TOMM20: variants seen among roughly 807,000 people sequenced by gnomAD.
The protein encoded by TOMM20 is mitochondrial import receptor subunit TOM20 homolog.
A neutral mutation model predicts 22.1 loss-of-function variants in TOMM20; 10 were observed. The observed-to-expected ratio is 0.45, with a 90% CI of 0.28 to 0.77. TOMM20 has a LOEUF of 0.77. TOMM20 is among the 30% of genes least tolerant of loss of function. The pLI is 0.13. For synonymous variants in TOMM20, 55 were observed against 61.4 expected (o/e 0.90, Z 0.49); for missense variants, 121 against 172.2 (o/e 0.70, Z 1.66).
At chr1:235,119,997 C>CA (rs1282130636) in intron 2 of TOMM20, 98 bp from the exon 3 acceptor site, 1 of 680,018 alleles carries the variant, frequency 1.5e-6, no homozygotes, top group African/African-American at 1.8e-5. Flanking sequence ...AAAACCAAAT[C>CA]ACTCATTCTA....
intron 2 of TOMM20, among the ~76,000 whole-genome samples, chr1:235,120,258 AC>A (rs989884938): frequency 2.0e-5 from 3 of 152,102 alleles, no homozygotes; most frequent in African/African-American, 7.2e-5. Context: ...ATTATTTTAT[AC>A]AGATTTTGTT....
intron 1 of TOMM20, among the ~76,000 whole-genome samples, chr1:235,123,944 T>C (rs1660972601): frequency 6.6e-6 from 1 of 152,180 alleles, no homozygotes; most frequent in Admixed American, 6.5e-5. Flanking sequence ...CTTCAAAGGA[T>C]CTGGACATGA....
intron 1 of TOMM20, among the ~76,000 whole-genome samples, chr1:235,123,061 G>C (rs1169830448): frequency 1.3e-5 from 2 of 152,142 alleles, no homozygotes; most frequent in African/African-American, 4.8e-5. Context: ...GGTGATCTTA[G>C]GCAAATCTCT....
rs757743564 is a variant in TOMM20, at chr1:235,119,872, C to A, written c.196G>T (p.Val66Phe). Residue 66 changes from valine to phenylalanine, a missense_variant, in exon 3 of 5, where the codon GTT becomes TTT. Transcript: ENST00000366607. ...ATTTCTTCAAGGAAGAACTTCTGAA[C>A]AGCTTCAGCATCTTTAAGGTCAGGT... is the stretch of plus-strand genomic sequence containing the variant. ...KLPDLKDAEA[V>F]QKFFLEEIQL... 6.2e-7 allele frequency: 1 copy of A among 1,611,952 alleles called. No individual in the cohort carries two copies. The highest frequency in any genetic ancestry group is 8.5e-7 in the Non-Finnish European group (1 of 1,178,672).
At chr1:235,124,457 G>T (rs905055950) in intron 1 of TOMM20, among the ~76,000 whole-genome samples, 3 of 152,204 alleles carry the variant, frequency 2.0e-5, no homozygotes, top group Non-Finnish European at 2.9e-5. Context: ...TCAAACCCAG[G>T]CTTTTGGACT....
chr1:235,123,528 A>G (rs927443160), intron 1 of TOMM20, among the ~76,000 whole-genome samples: 2 of 152,128 alleles, frequency 1.3e-5, no homozygotes, highest in Admixed American at 6.6e-5. Context: ...TTCATTTACT[A>G]TGGTCAAGGT....
chr1:235,125,346 G>A (rs959287948), intron 1 of TOMM20, among the ~76,000 whole-genome samples: 1 of 152,034 alleles, frequency 6.6e-6, no homozygotes, highest in South Asian at 2.1e-4. Flanking sequence ...TCCCCAGTAG[G>A]TGGGACTACA....
chr1:235,120,618 C>T (rs1216623100), intron 2 of TOMM20, among the ~76,000 whole-genome samples: 2 of 151,764 alleles, frequency 1.3e-5, no homozygotes. Flanking sequence ...CTCACTCTGT[C>T]GCCCAGGCTG....
chr1:235,115,581 C>T (rs1385102750), intron 3 of TOMM20, among the ~76,000 whole-genome samples: 2 of 151,986 alleles, frequency 1.3e-5, no homozygotes, highest in African/African-American at 2.4e-5. Context: ...GAGCCAAGAT[C>T]GCACCACTGC....
Position 235,128,797 on chromosome 1 carries a change from G to T in TOMM20, c.-82C>A. 1 of 1,591,364 alleles carries T rather than the reference G, an allele frequency of 6.3e-7. No individual in the cohort carries two copies. Among genetic ancestry groups the T allele is most frequent in the Non-Finnish European group, 8.5e-7 (1 of 1,169,794 alleles). ...GCCACGAACCCTCAGAGCGGTCGGC[G>T]CAGCTCACACCCGACGGCCGCGGGC... On this transcript the variant is annotated 5_prime_UTR_variant, in exon 1 of 5. Coordinates refer to ENST00000366607, the MANE Select transcript of TOMM20 (RefSeq NM_014765.3).
chr1:235,112,655 T>C (rs1212474606), intron 4 of TOMM20, among the ~76,000 whole-genome samples: 4 of 152,160 alleles, frequency 2.6e-5, no homozygotes, highest in Admixed American at 2.6e-4. Context: ...GTCAATTATG[T>C]AACTAAAACC....
At position 235,128,590 on chromosome 1, in the gene TOMM20, C is replaced by T. The variant is rs776201246; in HGVS notation, c.121+5G>A. On this transcript the variant is annotated splice_donor_5th_base_variant and intron_variant, in intron 1 of 4. Coordinates refer to ENST00000366607, the MANE Select transcript of TOMM20 (RefSeq NM_014765.3). ...GCCTGGCCAGGGGAGAGAGGACCCA[C>T]TCACGTTCTCGAAGCCTGTTCTTGA... 1 of 1,612,210 alleles carries T rather than the reference C, an allele frequency of 6.2e-7. No individual in the cohort carries two copies. Among genetic ancestry groups the T allele is most frequent in the South Asian group, 1.1e-5 (1 of 91,008 alleles).
intron 2 of TOMM20, among the ~76,000 whole-genome samples, chr1:235,121,667 C>T (rs1227684436): frequency 1.3e-5 from 2 of 152,106 alleles, no homozygotes; most frequent in African/African-American, 4.8e-5. Flanking sequence ...TCCTAAGAAC[C>T]CAAACAATAG....
intron 3 of TOMM20, among the ~76,000 whole-genome samples, chr1:235,115,457 C>A (rs1243909709): frequency 6.6e-6 from 1 of 151,760 alleles, no homozygotes; most frequent in Admixed American, 6.6e-5. Context: ...TGAAACCCTA[C>A]TGCTACTAAA....
chr1:235,128,205 G>A (rs1404411180), intron 1 of TOMM20, among the ~76,000 whole-genome samples: 1 of 152,188 alleles, frequency 6.6e-6, no homozygotes, highest in Non-Finnish European at 1.5e-5. Context: ...ATACTGCACT[G>A]AGCATGCGGA....
At chr1:235,120,324 G>A (rs750609061) in intron 2 of TOMM20, among the ~76,000 whole-genome samples, 4 of 152,100 alleles carry the variant, frequency 2.6e-5, no homozygotes, top group African/African-American at 7.2e-5. Flanking sequence ...CCAGGCTGGA[G>A]TGCAGTGGCA....
intron 1 of TOMM20, among the ~76,000 whole-genome samples, chr1:235,127,564 G>A (rs1661044863): frequency 1.3e-5 from 2 of 152,180 alleles, no homozygotes; most frequent in Non-Finnish European, 2.9e-5. Flanking sequence ...GAATTAAACC[G>A]TAACCACTGT....
At chr1:235,122,248 TTA>T in intron 2 of TOMM20, 76 bp downstream of exon 2, 1 of 1,287,292 alleles carries the variant, frequency 7.8e-7, no homozygotes, top group Non-Finnish European at 1.0e-6. Flanking sequence ...CAATTACATT[TTA>T]ATTACATTTC....
rs774275258 is a variant in TOMM20, at chr1:235,128,583, G to A, written c.121+12C>T. 22 of 1,611,914 alleles carry A rather than the reference G, an allele frequency of 1.4e-5. No homozygotes were observed. The East Asian group carries it at 2.5e-4, about 18-fold the overall frequency. On this transcript the variant is annotated intron_variant, in intron 1 of 4. Coordinates refer to ENST00000366607, the MANE Select transcript of TOMM20 (RefSeq NM_014765.3). Reference sequence around the variant, plus strand: ...GCAGCAAGCCTGGCCAGGGGAGAGAGGACCCACTCACGTTCTCGAAGCCTG... The same window carrying A: ...GCAGCAAGCCTGGCCAGGGGAGAGAAGACCCACTCACGTTCTCGAAGCCTG...
Sources: allele counts gnomAD v4.1 joint callset (sites outside exome capture counted in the v4.1 genomes callset), GRCh38; gene constraint gnomAD v4.1.1; transcripts MANE v1.5; gene names NCBI Gene and HGNC (gene_info 2026-07-23, HGNC 2026-07-21).